CEP41: variants seen among roughly 807,000 people sequenced by gnomAD.
CEP41 encodes the protein centrosomal protein 41.
Under a neutral mutation model 44.3 loss-of-function variants are expected in CEP41, and 32 were observed. The observed-to-expected ratio is 0.72, with a 90% confidence interval of 0.54 to 0.97. The LOEUF (loss-of-function observed/expected upper bound fraction) is 0.97, where lower values mean the gene tolerates loss of function less well. CEP41 is among the 50% of genes least tolerant of loss of function. The probability of loss-of-function intolerance (pLI) is 0.00; values close to 1 mark genes in which losing one functional copy is unlikely to be tolerated. For synonymous variants in CEP41, 151 were observed against 168.5 expected (o/e 0.90, Z 0.80); for missense variants, 432 against 455.2 (o/e 0.95, Z 0.46).
rs1291944275 is a variant in CEP41 at position 130,394,040 on chromosome 7, A to G, written c.*4851T>C. ...AATTTCCATCGCCTTTTGTGCAGGCAAGCGGAGGAAAGTTTTCAAAAGAAT... is the reference window on the plus strand; with the variant it reads ...AATTTCCATCGCCTTTTGTGCAGGCGAGCGGAGGAAAGTTTTCAAAAGAAT... On this transcript the variant is annotated 3_prime_UTR_variant, in exon 11 of 11. Coordinates refer to ENST00000223208, the MANE Select transcript of CEP41 (RefSeq NM_018718.3). 1 of 453,996 alleles carries G rather than the reference A, an allele frequency of 2.2e-6. No individual in the cohort carries two copies. Among genetic ancestry groups the G allele is most frequent in the Non-Finnish European group, 4.4e-6 (1 of 226,804 alleles). 28.1% of individuals were successfully genotyped at this position (453,996 alleles called of 1,614,324 possible).
Position 130,400,139 on chromosome 7 carries a change from C to T in CEP41, c.873G>A (p.Gly291=), listed in dbSNP as rs1253042012. ...ATTTATTCTCAGCTGGTAGGGGTGG[C>T]CCTTTGGGGCTGGATCGTTTCCGGG... The part of the protein sequence containing the change: ...GSARKRSSPK[G]PPLPAENKWR... The change falls in exon 10 of 11, where the codon GGG becomes GGA. Residue 291 remains glycine, a synonymous_variant. Transcript: ENST00000223208. The T allele has an allele frequency of 1.2e-6, 2 of 1,613,704 alleles. No homozygotes were observed. The highest frequency in any genetic ancestry group is 1.7e-6 in the Non-Finnish European group (2 of 1,179,890).
chr7:130,441,098 G>T, upstream of CEP41: 1 of 1,010,718 alleles, frequency 9.9e-7, no homozygotes, highest in Non-Finnish European at 1.5e-6. Flanking sequence ...TCCCCGGCCG[G>T]CCAATGGGGG....
intron 2 of CEP41, 56 bp downstream of exon 2, chr7:130,427,899 T>G: frequency 8.4e-7 from 1 of 1,197,586 alleles, no homozygotes; most frequent in Non-Finnish European, 1.2e-6. Context: ...GGTTGCTTTC[T>G]GTCAATAATT....
In CEP41 at chr7:130,397,228, C is replaced by T. The variant is rs2117535974; in HGVS notation, c.*1663G>A. ...TTATGGGGAAACATGACAGGCTCCT[C>T]ATTAAAGCTATGTGTACGTTGGCTG... On this transcript the variant is annotated 3_prime_UTR_variant, in exon 11 of 11. Coordinates refer to ENST00000223208, the MANE Select transcript of CEP41 (RefSeq NM_018718.3). 2.2e-6 allele frequency: 1 copy of T among 454,510 alleles called. No homozygotes were observed. The allele number at this position is 454,510 out of a possible 1,614,324, so 28.2% of individuals were successfully genotyped here.
chr7:130,400,152 G>C lies in CEP41; in HGVS notation c.860C>G (p.Ser287Cys). 6.2e-7 allele frequency: 1 copy of C among 1,613,740 alleles called. No homozygotes were observed. Among genetic ancestry groups the C allele is most frequent in the Non-Finnish European group, 8.5e-7 (1 of 1,179,744 alleles). The change falls in exon 10 of 11, where the codon TCC becomes TGC. Residue 287 changes from serine (S) to cysteine (C), a missense_variant. Transcript: ENST00000223208. ...ALPPGSARKR[S>C]SPKGPPLPAE... Reference sequence around the variant, plus strand: ...TGGTAGGGGTGGCCCTTTGGGGCTGGATCGTTTCCGGGCAGACCCAGGAGG... The same window carrying C: ...TGGTAGGGGTGGCCCTTTGGGGCTGCATCGTTTCCGGGCAGACCCAGGAGG...
At chr7:130,437,764 C>CAAAAAAAAAAAAAAAGAAAAA (rs1798011637) in intron 1 of CEP41, among the ~76,000 whole-genome samples, 1 of 32,424 alleles carries the variant, frequency 3.1e-5, no homozygotes. Context: ...AAGACTGTCT[C>CAAAAAAAAAAAAAAAGAAAAA]AAAAAAAAAA....
At chr7:130,424,256 C>T (rs782519673) in intron 2 of CEP41, among the ~76,000 whole-genome samples, 1 of 151,684 alleles carries the variant, frequency 6.6e-6, no homozygotes, top group Non-Finnish European at 1.5e-5. Context: ...AAATATTAGC[C>T]GGGCATGGTG....
At position 130,424,269 on chromosome 7, in the gene CEP41, G is replaced by A. The variant is rs1308655379; in HGVS notation, c.97+3686C>T. 4.0e-5 allele frequency among the ~76,000 whole-genome samples: 6 copies of A among 151,778 alleles called. 1 individual carries two copies. The highest frequency in any genetic ancestry group is 3.3e-4 in the Admixed American group (5 of 15,224). On this transcript the variant is annotated intron_variant, in intron 2 of 10. Transcript: ENST00000223208. The stretch of plus-strand genomic sequence containing the variant: ...AAAAATATTAGCCGGGCATGGTGGC[G>A]CCCGCCTGTGATCCCAGCTACTTGG...
chr7:130,404,818 A>G, intron 5 of CEP41, 110 bp from the exon 6 acceptor site: 1 of 947,626 alleles, frequency 1.1e-6, no homozygotes, highest in South Asian at 1.4e-5. Context: ...TCATTATTAA[A>G]TTGTCGTGGA....
chr7:130,399,712 C>T (rs1444755226), intron 10 of CEP41: 5 of 302,204 alleles, frequency 1.7e-5, no homozygotes, highest in East Asian at 8.3e-5. Context: ...CCCACCTACT[C>T]GGGAGGCTGA....
chr7:130,418,896 C>T (rs987248200), intron 2 of CEP41: 1 of 155,924 alleles, frequency 6.4e-6, no homozygotes, highest in Admixed American at 6.6e-5. Context: ...CAAACCACAA[C>T]CTTATTTATC....
intron 5 of CEP41, among the ~76,000 whole-genome samples, chr7:130,409,682 C>T (rs1391385600): frequency 1.3e-5 from 2 of 152,202 alleles, no homozygotes; most frequent in African/African-American, 4.8e-5. Context: ...AACAGCCACA[C>T]ACTGATTGCT....
chr7:130,417,058 G>A lies in CEP41; in HGVS notation c.98-92C>T, dbSNP rs1584889001. The stretch of plus-strand genomic sequence containing the variant: ...AGAATGGAGGAAAAGTATCCCCTAA[G>A]CTTTCCTATCCTGTTCTTAGGGGAT... On this transcript the variant is annotated intron_variant, in intron 2 of 10. Transcript: ENST00000223208. The A allele has an allele frequency of 8.8e-6, 12 of 1,359,488 alleles. No homozygotes were observed. In the South Asian group the frequency reaches 1.3e-4, roughly 15 times the overall value. 84.2% of individuals were successfully genotyped at this position (1,359,488 alleles called of 1,614,324 possible).
chr7:130,394,737 A>C lies in CEP41; in HGVS notation c.*4154T>G. The C allele has an allele frequency of 2.2e-6, 1 of 454,144 alleles. No homozygotes were observed. Among genetic ancestry groups the C allele is most frequent in the Non-Finnish European group, 4.4e-6 (1 of 226,798 alleles). 28.1% of individuals were successfully genotyped at this position (454,144 alleles called of 1,614,324 possible). ...CAGTGGGCATCACATCCAAACTTCA[A>C]TCTTGACAGGTTCAATTCATTTATT... On this transcript the variant is annotated 3_prime_UTR_variant, in exon 11 of 11. Transcript: ENST00000223208.
At position 130,397,043 on chromosome 7, in the gene CEP41, A is replaced by G; in HGVS notation, c.*1848T>C. On this transcript the variant is annotated 3_prime_UTR_variant, in exon 11 of 11. Coordinates refer to ENST00000223208, the MANE Select transcript of CEP41 (RefSeq NM_018718.3). Reference sequence around the variant, plus strand: ...TTACAGAGAAAAATCTTTTTTCCTTAAAAATGTATATGTGGCAAAAATGGC... The same window carrying G: ...TTACAGAGAAAAATCTTTTTTCCTTGAAAATGTATATGTGGCAAAAATGGC... 2.2e-6 allele frequency: 1 copy of G among 454,426 alleles called. No individual in the cohort carries two copies. Among genetic ancestry groups the G allele is most frequent in the South Asian group, 1.6e-5 (1 of 64,456 alleles). The allele number at this position is 454,426 out of a possible 1,614,324, so 28.1% of individuals were successfully genotyped here. A position where few individuals can be genotyped will look rare whatever the true frequency, so the allele number is the denominator to read the frequency against.
intron 3 of CEP41, among the ~76,000 whole-genome samples, chr7:130,413,747 T>G (rs1797254337): frequency 6.6e-6 from 1 of 152,228 alleles, no homozygotes; most frequent in Admixed American, 6.5e-5. Flanking sequence ...ATCTATTATC[T>G]GTTCCATAGA....
At chr7:130,432,953 G>C (rs1554425427) in intron 1 of CEP41, among the ~76,000 whole-genome samples, 1 of 152,154 alleles carries the variant, frequency 6.6e-6, no homozygotes, top group Non-Finnish European at 1.5e-5. Context: ...AAGGTCAGGT[G>C]GAGGAGAGGC....
intron 1 of CEP41, among the ~76,000 whole-genome samples, chr7:130,438,992 C>G: frequency 6.6e-6 from 1 of 152,126 alleles, no homozygotes; most frequent in East Asian, 1.9e-4. Context: ...ACAATTTACT[C>G]TATTTTGAAA....
Position 130,395,957 on chromosome 7 carries a change from C to G in CEP41, c.*2934G>C, listed in dbSNP as rs1378231495. The G allele has an allele frequency of 2.2e-6, 1 of 453,362 alleles. No homozygotes were observed. The highest frequency in any genetic ancestry group is 2.4e-5 in the Admixed American group (1 of 42,524). The allele number at this position is 453,362 out of a possible 1,614,324, so 28.1% of individuals were successfully genotyped here. A position where few individuals can be genotyped will look rare whatever the true frequency, so the allele number is the denominator to read the frequency against. ...TTCCATACTTTTTCAAGAGATTGAG[C>G]CTGACATTATTACAGCCCAGGGTGT... is the stretch of plus-strand genomic sequence containing the variant. On this transcript the variant is annotated 3_prime_UTR_variant, in exon 11 of 11. Coordinates refer to ENST00000223208, the MANE Select transcript of CEP41 (RefSeq NM_018718.3).
Sources: allele counts gnomAD v4.1 joint callset (sites outside exome capture counted in the v4.1 genomes callset), GRCh38; gene constraint gnomAD v4.1.1; transcripts MANE v1.5; gene names NCBI Gene and HGNC (gene_info 2026-07-23, HGNC 2026-07-21).